SCAPER: variants seen among roughly 807,000 people sequenced by gnomAD.
The protein encoded by SCAPER is S-phase cyclin A associated protein in the ER, also known as S phase cyclin A-associated protein in the endoplasmic reticulum.
In SCAPER, 98 loss-of-function variants were observed where a neutral mutation model predicts 182.2. That is an observed-to-expected ratio of 0.54 (90% confidence interval 0.46 to 0.64). SCAPER has a LOEUF of 0.64. Ranked by LOEUF, SCAPER falls within the 30% of genes least tolerant of loss-of-function variation. SCAPER has a pLI of 0.00. For synonymous variants in SCAPER, 605 were observed against 564.6 expected, an observed-to-expected ratio of 1.07 and a Z score of -1.01; for missense variants, 1,432 against 1,690.0, an observed-to-expected ratio of 0.85 and a Z score of 2.68.
chr15:76,729,295 T>C (rs966107), intron 16 of SCAPER, among the ~76,000 whole-genome samples: 3,457 of 144,202 alleles, frequency 0.024, 140 homozygotes, highest in African/African-American at 0.083. Context: ...TATATACACA[T>C]ACACACACAC....
At chr15:76,635,174 C>T (rs1411877528) in intron 21 of SCAPER, among the ~76,000 whole-genome samples, 1 of 152,152 alleles carries the variant, frequency 6.6e-6, no homozygotes, top group Non-Finnish European at 1.5e-5. Flanking sequence ...TGGAGCCTAT[C>T]AAAGTCTATA....
intron 4 of SCAPER, among the ~76,000 whole-genome samples, chr15:76,847,705 G>A (rs2070256654): frequency 6.6e-6 from 1 of 152,138 alleles, no homozygotes; most frequent in Admixed American, 6.6e-5. Flanking sequence ...AGGATTGCTT[G>A]AGCTTACAAG....
intron 1 of SCAPER, among the ~76,000 whole-genome samples, chr15:76,893,165 G>C (rs112693038): frequency 1.3e-5 from 2 of 152,156 alleles, no homozygotes; most frequent in Admixed American, 6.6e-5. Context: ...ATCACACACC[G>C]GAGCCTGTCA....
chr15:76,415,894 T>C (rs891321647), intron 26 of SCAPER, among the ~76,000 whole-genome samples: 1 of 152,296 alleles, frequency 6.6e-6, no homozygotes, highest in African/African-American at 2.4e-5. Flanking sequence ...CAGTTAACAA[T>C]TGTTGGTACA....
chr15:76,536,547 T>C (rs2044179658), intron 23 of SCAPER, among the ~76,000 whole-genome samples: 1 of 152,208 alleles, frequency 6.6e-6, no homozygotes, highest in Non-Finnish European at 1.5e-5. Context: ...TAGGGTATTT[T>C]TGGTTATTGT....
intron 5 of SCAPER, among the ~76,000 whole-genome samples, chr15:76,827,866 G>C (rs1002089786): frequency 2.0e-5 from 3 of 152,154 alleles, no homozygotes; most frequent in African/African-American, 7.2e-5. Context: ...TTATCCCAGT[G>C]CTATGGTTTG....
chr15:76,737,805 T>C (rs1248566124), intron 15 of SCAPER, among the ~76,000 whole-genome samples: 2 of 152,264 alleles, frequency 1.3e-5, no homozygotes, highest in Admixed American at 6.5e-5. Context: ...TTTTATGTTA[T>C]TGAGACGGCT....
Position 76,791,559 on chromosome 15 carries a change from G to A in SCAPER, c.772+3721C>T, listed in dbSNP as rs765552322. Among the ~76,000 whole-genome samples the A allele has an allele frequency of 9.9e-5, 15 of 151,908 alleles. 1 individual carries two copies. Among genetic ancestry groups the A allele is most frequent in the Middle Eastern group, 6.3e-3 (2 of 316 alleles). Reference sequence around the variant, plus strand: ...GAGAATCTAAAGCAACTGGAACTTCGGGGCAAAAATCTTAGAGGGGGTGGG... The same window carrying A: ...GAGAATCTAAAGCAACTGGAACTTCAGGGCAAAAATCTTAGAGGGGGTGGG... On this transcript the variant is annotated intron_variant, in intron 8 of 31. Coordinates refer to ENST00000563290, the MANE Select transcript of SCAPER (RefSeq NM_020843.4).
intron 8 of SCAPER, among the ~76,000 whole-genome samples, chr15:76,790,055 C>T (rs2064890053): frequency 2.0e-5 from 3 of 152,060 alleles, no homozygotes; most frequent in Admixed American, 1.3e-4. Context: ...GGTGAAACCC[C>T]GTCTCTACTA....
intron 15 of SCAPER, among the ~76,000 whole-genome samples, chr15:76,749,598 T>C (rs1182174113): frequency 6.6e-6 from 1 of 152,022 alleles, no homozygotes; most frequent in Non-Finnish European, 1.5e-5. Flanking sequence ...AAGGTACATA[T>C]ACAGAAATCA....
chr15:76,766,886 G>A (rs1487132807), intron 11 of SCAPER, 32 bp downstream of exon 11: 2 of 1,557,954 alleles, frequency 1.3e-6, no homozygotes, highest in Non-Finnish European at 1.7e-6. Context: ...TATAAATTTT[G>A]AATAGTTATG....
At chr15:76,456,281 C>A (rs974174391) in intron 25 of SCAPER, among the ~76,000 whole-genome samples, 1 of 152,184 alleles carries the variant, frequency 6.6e-6, no homozygotes. Flanking sequence ...TTTACACTCC[C>A]ACCTGCAGTG....
intron 23 of SCAPER, among the ~76,000 whole-genome samples, chr15:76,530,903 T>C (rs2043600913): frequency 6.6e-6 from 1 of 151,640 alleles, no homozygotes; most frequent in Non-Finnish European, 1.5e-5. Context: ...TGTGTATGTG[T>C]ATATGTAATA....
intron 1 of SCAPER, among the ~76,000 whole-genome samples, chr15:76,903,807 T>C (rs1324244924): frequency 6.6e-6 from 1 of 152,180 alleles, no homozygotes; most frequent in Non-Finnish European, 1.5e-5. Flanking sequence ...CAGTTCTCAA[T>C]ACTTTACAGA....
chr15:76,415,072 G>A (rs1399335879), intron 26 of SCAPER, among the ~76,000 whole-genome samples: 1 of 152,168 alleles, frequency 6.6e-6, no homozygotes, highest in Non-Finnish European at 1.5e-5. Context: ...TAAAGTCAGT[G>A]TAATGAAGAC....
chr15:76,812,933 T>G (rs909434979), intron 5 of SCAPER, among the ~76,000 whole-genome samples: 3 of 151,118 alleles, frequency 2.0e-5, no homozygotes, highest in Non-Finnish European at 2.9e-5. Context: ...GAGTTTCAAT[T>G]TCATACATGA....
intron 20 of SCAPER, among the ~76,000 whole-genome samples, chr15:76,699,890 G>T (rs1232763978): frequency 6.6e-6 from 1 of 152,186 alleles, no homozygotes; most frequent in African/African-American, 2.4e-5. Flanking sequence ...AATGGCAACG[G>T]AGTCCATACC....
chr15:76,430,322 G>C (rs1326660748), intron 26 of SCAPER, among the ~76,000 whole-genome samples: 1 of 152,162 alleles, frequency 6.6e-6, no homozygotes, highest in African/African-American at 2.4e-5. Flanking sequence ...GTGAGAAGAG[G>C]ACCACTGTCC....
At chr15:76,890,903 G>A (rs572044189) in intron 1 of SCAPER, among the ~76,000 whole-genome samples, 6 of 152,176 alleles carry the variant, frequency 3.9e-5, no homozygotes, top group Non-Finnish European at 8.8e-5. Context: ...GATGAACATT[G>A]ATGCAAAAAT....
Sources: allele counts gnomAD v4.1 joint callset (sites outside exome capture counted in the v4.1 genomes callset), GRCh38; gene constraint gnomAD v4.1.1; transcripts MANE v1.5; gene names NCBI Gene and HGNC (gene_info 2026-07-23, HGNC 2026-07-21).